OLFM4: variants seen among roughly 807,000 people sequenced by gnomAD.
OLFM4 encodes the protein olfactomedin 4.
In OLFM4, 22 loss-of-function variants were observed where a neutral mutation model predicts 25.5. The ratio of observed to expected loss-of-function variants is 0.86; its 90% confidence interval spans 0.62 to 1.23. The LOEUF (loss-of-function observed/expected upper bound fraction) is 1.23, where lower values mean the gene tolerates loss of function less well. OLFM4 is among the 50% of genes most tolerant of loss of function. The pLI is 0.00. For missense variants in OLFM4, 594 were observed against 619.4 expected, an observed-to-expected ratio of 0.96 and a Z score of 0.44; for synonymous variants, 255 against 237.7, an observed-to-expected ratio of 1.07 and a Z score of -0.67.
intron 4 of OLFM4, among the ~76,000 whole-genome samples, chr13:53,046,339 C>T (rs919190429): frequency 1.3e-5 from 2 of 152,168 alleles, no homozygotes; most frequent in African/African-American, 4.8e-5. Context: ...ATTTTAAATT[C>T]TCATGATTAT....
At chr13:53,049,119 C>T (rs958051155) in intron 4 of OLFM4, among the ~76,000 whole-genome samples, 1 of 152,072 alleles carries the variant, frequency 6.6e-6, no homozygotes, top group African/African-American at 2.4e-5. Context: ...GTGACAATGA[C>T]AGTGTCTGGA....
intron 1 of OLFM4, among the ~76,000 whole-genome samples, chr13:53,032,695 A>G (rs899388611): frequency 2.0e-5 from 3 of 151,240 alleles, no homozygotes; most frequent in South Asian, 2.1e-4. Context: ...GACTAAACAC[A>G]TAAAAAATAT....
chr13:53,028,972 T>C lies in OLFM4; in HGVS notation c.136T>C (p.Phe46Leu). The change falls in exon 1 of 5, where the codon TTC (phenylalanine) becomes CTC (leucine). Residue 46 changes from phenylalanine (F) to leucine (L), a missense_variant. Coordinates refer to ENST00000219022, the MANE Select transcript of OLFM4 (RefSeq NM_006418.5). ...CCCAGGTGTTGACTCCAGCTCCAGC[T>C]TCAGCTCCAGCTCCAGGTCGGGCTC... is the stretch of plus-strand genomic sequence containing the variant. ...SFPGVDSSSS[F>L]SSSSRSGSSS... 3 of 1,614,044 alleles carry C rather than the reference T, an allele frequency of 1.9e-6. No homozygotes were observed. The highest frequency in any genetic ancestry group is 2.5e-6 in the Non-Finnish European group (3 of 1,179,920).
intron 3 of OLFM4, 151 bp from the exon 4 acceptor site, chr13:53,042,954 C>T: frequency 1.7e-6 from 1 of 589,854 alleles, no homozygotes; most frequent in Non-Finnish European, 2.8e-6. Context: ...CATGCTAAAC[C>T]ATAAAATGTA....
chr13:53,038,966 A>G (rs548537014), intron 2 of OLFM4, among the ~76,000 whole-genome samples: 1 of 152,358 alleles, frequency 6.6e-6, no homozygotes, highest in Admixed American at 6.5e-5. Context: ...TGTCAGCTGA[A>G]GAACCTTGAG....
intron 4 of OLFM4, among the ~76,000 whole-genome samples, chr13:53,046,070 G>A (rs532248724): frequency 1.3e-5 from 2 of 152,222 alleles, no homozygotes; most frequent in South Asian, 4.2e-4. Flanking sequence ...CTCAAGCTTA[G>A]GGAAGAGCCA....
At chr13:53,049,481 T>C (rs1377038679) in intron 4 of OLFM4, among the ~76,000 whole-genome samples, 1 of 152,172 alleles carries the variant, frequency 6.6e-6, no homozygotes. Context: ...GAAAATCTTC[T>C]CCCTCATCAC....
Position 53,028,990 on chromosome 13 carries a change from T to C in OLFM4, c.154T>C (p.Ser52Pro), listed in dbSNP as rs755999059. The C allele has an allele frequency of 3.1e-6, 5 of 1,614,022 alleles. No individual in the cohort carries two copies. In the African/African-American group the frequency reaches 5.3e-5, roughly 17 times the overall value. ...CTCCAGCTTCAGCTCCAGCTCCAGG[T>C]CGGGCTCCAGCTCCAGCCGCAGCTT... ...SSSSFSSSSR[S>P]GSSSSRSLGS... The change falls in exon 1 of 5, where the codon TCG becomes CCG. Residue 52 changes from serine (S) to proline (P), a missense_variant. Ser to Pro is a moderately conservative substitution (Grantham distance 74). Transcript: ENST00000219022.
rs1381093129 is a variant in OLFM4, at chr13:53,050,658, A to T, written c.1420A>T (p.Met474Leu). 6.2e-7 allele frequency: 1 copy of T among 1,613,982 alleles called. No homozygotes were observed. The highest frequency in any genetic ancestry group is 8.5e-7 in the Non-Finnish European group (1 of 1,179,938). Residue 474 changes from methionine to leucine, a missense_variant, in exon 5 of 5, where the codon ATG becomes TTG. Physicochemically the swap from Met to Leu is conservative, Grantham distance 15 (BLOSUM62 2). Coordinates refer to ENST00000219022, the MANE Select transcript of OLFM4 (RefSeq NM_006418.5). ...CAAACTAGACATTGTAATGCATAAG[A>T]TGCAGGAAAAAGTGCAGAGCATTAA... ...EGKLDIVMHK[M>L]QEKVQSINYN...
intron 4 of OLFM4, among the ~76,000 whole-genome samples, chr13:53,047,012 A>G (rs1954719083): frequency 6.6e-6 from 1 of 152,174 alleles, no homozygotes; most frequent in Non-Finnish European, 1.5e-5. Flanking sequence ...GCTTAACACC[A>G]AATTATTTTT....
rs1258062054 is a variant in OLFM4, at chr13:53,050,920, A to G, written c.*149A>G. 4.6e-6 allele frequency: 3 copies of G among 649,600 alleles called. No individual in the cohort carries two copies. The highest frequency in any genetic ancestry group is 7.6e-6 in the Non-Finnish European group (3 of 396,354). The allele number at this position is 649,600 out of a possible 1,614,324, so 40.2% of individuals were successfully genotyped here. A position where few individuals can be genotyped will look rare whatever the true frequency, so the allele number is the denominator to read the frequency against. On this transcript the variant is annotated 3_prime_UTR_variant, in exon 5 of 5. Coordinates refer to ENST00000219022, the MANE Select transcript of OLFM4 (RefSeq NM_006418.5). ...TTCTACCACACTAGAGATCTAGGACATTTGTCTTGATTTGGTGAGTTCTCT... is the reference window on the plus strand; with the variant it reads ...TTCTACCACACTAGAGATCTAGGACGTTTGTCTTGATTTGGTGAGTTCTCT...
At chr13:53,045,668 G>A (rs190813723) in intron 4 of OLFM4, among the ~76,000 whole-genome samples, 90 of 152,080 alleles carry the variant, frequency 5.9e-4, no homozygotes, top group Non-Finnish European at 9.7e-4. Context: ...GTAACTCTGC[G>A]CTCTCTGGGC....
intron 2 of OLFM4, among the ~76,000 whole-genome samples, chr13:53,038,905 A>G (rs1954673343): frequency 6.6e-6 from 1 of 152,212 alleles, no homozygotes; most frequent in Admixed American, 6.5e-5. Flanking sequence ...TGTCTTCTCT[A>G]ACTCCATGGA....
At chr13:53,040,522 A>G (rs1954681663) in intron 2 of OLFM4, among the ~76,000 whole-genome samples, 1 of 152,212 alleles carries the variant, frequency 6.6e-6, no homozygotes, top group Admixed American at 6.5e-5. Flanking sequence ...GAAAATACTT[A>G]GATGTAGAGC....
At chr13:53,035,583 C>G (rs1483098838) in intron 2 of OLFM4, among the ~76,000 whole-genome samples, 1 of 151,990 alleles carries the variant, frequency 6.6e-6, no homozygotes, top group African/African-American at 2.4e-5. Context: ...TATTTTTTAC[C>G]CTTTAACTAT....
intron 4 of OLFM4, among the ~76,000 whole-genome samples, chr13:53,047,544 T>C (rs1451432804): frequency 1.3e-5 from 2 of 152,176 alleles, no homozygotes. Flanking sequence ...CCATAGAGGA[T>C]AAAAGGAGGA....
At chr13:53,039,301 A>G (rs1329138331) in intron 2 of OLFM4, among the ~76,000 whole-genome samples, 3 of 152,142 alleles carry the variant, frequency 2.0e-5, no homozygotes, top group Non-Finnish European at 2.9e-5. Context: ...TATTTTTATC[A>G]TAGTCAAGGT....
At chr13:53,030,033 T>G (rs147236899) in intron 1 of OLFM4, among the ~76,000 whole-genome samples, 232 of 152,234 alleles carry the variant, frequency 1.5e-3, no homozygotes, top group South Asian at 5.4e-3. Flanking sequence ...GGCCAAAGCT[T>G]CTCTCTCTAA....
chr13:53,034,075 A>AAAAAAAAAAAAC, intron 1 of OLFM4, among the ~76,000 whole-genome samples: 1 of 142,718 alleles, frequency 7.0e-6, no homozygotes, highest in Non-Finnish European at 1.6e-5. Flanking sequence ...AAAAAAAAAA[A>AAAAAAAAAAAAC]AAAAAAGCCT....
Sources: allele counts gnomAD v4.1 joint callset (sites outside exome capture counted in the v4.1 genomes callset), GRCh38; gene constraint gnomAD v4.1.1; transcripts MANE v1.5; gene names NCBI Gene and HGNC (gene_info 2026-07-23, HGNC 2026-07-21).